CDH4: variants seen among roughly 807,000 people sequenced by gnomAD.
CDH4 encodes cadherin 4.
CDH4 carries 33 observed loss-of-function variants against 86.0 expected under a neutral mutation model. The ratio of observed to expected loss-of-function variants is 0.38; its 90% CI spans 0.29 to 0.51. The LOEUF is 0.51. CDH4 is among the 20% of genes least tolerant of loss of function. The pLI is 0.86. For synonymous variants in CDH4, 555 were observed against 549.4 expected (o/e 1.01, Z -0.14); for missense variants, 1,114 against 1,307.4 (o/e 0.85, Z 2.28).
intron 2 of CDH4, among the ~76,000 whole-genome samples, chr20:61,466,685 A>G (rs1181976999): frequency 6.6e-6 from 1 of 151,966 alleles, no homozygotes; most frequent in Non-Finnish European, 1.5e-5. Flanking sequence ...CCCTACCTAT[A>G]CAAAAGTATT....
Position 61,482,998 on chromosome 20 carries a change from A to G in CDH4, c.169+228061A>G, listed in dbSNP as rs1600705738. 2.0e-5 allele frequency among the ~76,000 whole-genome samples: 3 copies of G among 152,336 alleles called. No individual in the cohort carries two copies. In the South Asian group the frequency reaches 6.2e-4, roughly 32 times the overall value. On this transcript the variant is annotated intron_variant, in intron 2 of 15. Coordinates refer to ENST00000614565, the MANE Select transcript of CDH4 (RefSeq NM_001794.5). ...AGCCAGGATTTGATACCAATGGGTCAGCCCCCAGATCTGCTGCTCTTAACT... is the reference window on the plus strand; with the variant it reads ...AGCCAGGATTTGATACCAATGGGTCGGCCCCCAGATCTGCTGCTCTTAACT...
In CDH4 at chr20:61,890,138, G is replaced by A. The variant is rs115976978; in HGVS notation, c.1051-4772G>A. Among the ~76,000 whole-genome samples the A allele has an allele frequency of 5.4e-3, 810 of 149,930 alleles. 9 individuals carry two copies. The highest frequency in any genetic ancestry group is 0.019 in the African/African-American group (756 of 40,596). ...ATGCATCATGGATGGGTGAGTGGAT[G>A]GTGGATGGTAGATGATGGATGGGTG... On this transcript the variant is annotated intron_variant, in intron 7 of 15. Transcript: ENST00000614565.
In CDH4 at chr20:61,806,021, C is replaced by T. The variant is rs184997930; in HGVS notation, c.576+32839C>T. The stretch of plus-strand genomic sequence containing the variant: ...GGGGCAAGGGGAAGGCAGGAAACCT[C>T]GCCTGGGGGCTCCTTCCGCTCTGTG... On this transcript the variant is annotated intron_variant, in intron 4 of 15. Coordinates refer to ENST00000614565, the MANE Select transcript of CDH4 (RefSeq NM_001794.5). Among the ~76,000 whole-genome samples, 597 of 152,310 alleles carry T rather than the reference C, an allele frequency of 3.9e-3. 2 individuals are homozygous for T. The highest frequency in any genetic ancestry group is 0.013 in the African/African-American group (532 of 41,588).
chr20:61,591,209 C>T (rs757280446), intron 2 of CDH4, among the ~76,000 whole-genome samples: 10 of 152,134 alleles, frequency 6.6e-5, no homozygotes, highest in Non-Finnish European at 1.3e-4. Context: ...TGACAAGTAC[C>T]GGGGCCAAAC....
At chr20:61,901,723 C>T (rs560124659) in intron 8 of CDH4, among the ~76,000 whole-genome samples, 25 of 152,376 alleles carry the variant, frequency 1.6e-4, no homozygotes, top group Middle Eastern at 3.4e-3. Flanking sequence ...ACCAGCCGGA[C>T]GCTTCTGAGT....
chr20:61,530,325 C>T (rs764422409), intron 2 of CDH4, among the ~76,000 whole-genome samples: 11 of 152,152 alleles, frequency 7.2e-5, no homozygotes, highest in East Asian at 5.8e-4. Flanking sequence ...CCACTGCGCC[C>T]GGCCAGCATT....
chr20:61,570,248 CTGTT>C (rs2086331861), intron 2 of CDH4: 1 of 179,496 alleles, frequency 5.6e-6, no homozygotes, highest in South Asian at 1.3e-4. Flanking sequence ...GCAAGAGAAG[CTGTT>C]TGTATGCACC....
At chr20:61,472,561 G>T (rs1378238590) in intron 2 of CDH4, among the ~76,000 whole-genome samples, 2 of 151,796 alleles carry the variant, frequency 1.3e-5, no homozygotes, top group African/African-American at 2.4e-5. Context: ...TTGATTTGAG[G>T]CTACCATGAG....
Position 61,940,518 on chromosome 20 carries a change from C to T in CDH4, c.*3575C>T, listed in dbSNP as rs1158556963. The T allele has an allele frequency of 6.6e-6, 1 of 151,896 alleles. No homozygotes were observed. Among genetic ancestry groups the T allele is most frequent in the Non-Finnish European group, 1.5e-5 (1 of 68,044 alleles). 9.4% of individuals were successfully genotyped at this position (151,896 alleles called of 1,614,324 possible). On this transcript the variant is annotated 3_prime_UTR_variant, in exon 16 of 16. Transcript: ENST00000614565. ...TTTTCAGTGTGTTTCCAGTGCCAGA[C>T]AGTCTTGGTCCTGAACTCAGTAGAC...
chr20:61,570,986 G>A (rs1335624743), intron 2 of CDH4, among the ~76,000 whole-genome samples: 2 of 152,142 alleles, frequency 1.3e-5, no homozygotes, highest in Non-Finnish European at 2.9e-5. Context: ...TGGAAGATTC[G>A]CCGCCTGTGT....
chr20:61,736,601 G>A (rs1168077861), intron 2 of CDH4, among the ~76,000 whole-genome samples: 1 of 151,988 alleles, frequency 6.6e-6, no homozygotes, highest in African/African-American at 2.4e-5. Context: ...GAAGGGGAGA[G>A]GGAGGGAGGA....
chr20:61,795,110 G>A (rs1979462432), intron 4 of CDH4, among the ~76,000 whole-genome samples: 1 of 149,932 alleles, frequency 6.7e-6, no homozygotes, highest in Non-Finnish European at 1.5e-5. Flanking sequence ...TGGTGATGAT[G>A]GTGGTGATAA....
At chr20:61,768,630 C>T (rs777419112) in intron 3 of CDH4, among the ~76,000 whole-genome samples, 2 of 152,186 alleles carry the variant, frequency 1.3e-5, no homozygotes, top group Non-Finnish European at 2.9e-5. Flanking sequence ...GTGATGTCTT[C>T]TGAATGGGCC....
chr20:61,394,712 C>T (rs1352692218), intron 2 of CDH4, among the ~76,000 whole-genome samples: 1 of 151,714 alleles, frequency 6.6e-6, no homozygotes, highest in African/African-American at 2.4e-5. Flanking sequence ...CTGCTGCCTC[C>T]TCTTCCAGCC....
chr20:61,859,230 C>A (rs570005524), intron 6 of CDH4, among the ~76,000 whole-genome samples: 2 of 152,200 alleles, frequency 1.3e-5, no homozygotes, highest in African/African-American at 2.4e-5. Context: ...TCATGGCTTT[C>A]GTCCATTTCC....
chr20:61,322,343 C>T (rs1346001034), intron 2 of CDH4, among the ~76,000 whole-genome samples: 2 of 152,194 alleles, frequency 1.3e-5, no homozygotes, highest in East Asian at 3.9e-4. Context: ...CAGTCTCTCC[C>T]GCAGCAGCTG....
At chr20:61,727,882 C>A (rs1316297883) in intron 2 of CDH4, among the ~76,000 whole-genome samples, 1 of 152,196 alleles carries the variant, frequency 6.6e-6, no homozygotes, top group African/African-American at 2.4e-5. Flanking sequence ...GATCCAATTT[C>A]CACAAGACTT....
chr20:61,928,499 G>A, intron 12 of CDH4, 76 bp downstream of exon 12: 1 of 1,288,592 alleles, frequency 7.8e-7, no homozygotes, highest in Admixed American at 1.8e-5. Context: ...GCTGGCCTTG[G>A]AAGAGTGGGC....
chr20:61,780,330 A>C (rs1039998286), intron 4 of CDH4, among the ~76,000 whole-genome samples: 4 of 152,128 alleles, frequency 2.6e-5, no homozygotes, highest in African/African-American at 9.7e-5. Context: ...ACCTGCTCTG[A>C]GAACTCCCTA....
Sources: allele counts gnomAD v4.1 joint callset (sites outside exome capture counted in the v4.1 genomes callset), GRCh38; gene constraint gnomAD v4.1.1; transcripts MANE v1.5; gene names NCBI Gene and HGNC (gene_info 2026-07-23, HGNC 2026-07-21).